Variants in FRMPD4 observed in about 807,000 individuals in gnomAD.
FRMPD4 encodes FERM and PDZ domain-containing protein 4.
In FRMPD4, 22 loss-of-function variants were observed where a neutral mutation model predicts 94.1. The ratio of observed to expected loss-of-function variants is 0.23; its 90% confidence interval spans 0.17 to 0.33. The LOEUF (loss-of-function observed/expected upper bound fraction) is 0.33. FRMPD4 is among the 10% of genes least tolerant of loss of function. The probability of loss-of-function intolerance (pLI) is 1.00; values close to 1 mark genes in which losing one functional copy is unlikely to be tolerated. For synonymous variants in FRMPD4, 631 were observed against 548.6 expected (o/e 1.15, Z -2.10); for missense variants, 1,111 against 1,339.9 (o/e 0.83, Z 2.67).
At chrX:12,066,411 G>T (rs2054920436) in intron 3 of FRMPD4, among the ~76,000 whole-genome samples, 1 of 111,882 alleles carries the variant, frequency 8.9e-6, no homozygotes, top group African/African-American at 3.2e-5. Context: ...AACTTCCCAA[G>T]AATATGCCTT....
At chrX:12,092,625 C>G (rs2055163308) in intron 3 of FRMPD4, among the ~76,000 whole-genome samples, 1 of 111,509 alleles carries the variant, frequency 9.0e-6, no homozygotes, top group Non-Finnish European at 1.9e-5. Context: ...AAAGGCCCAT[C>G]AGGAAAAGCA....
chrX:11,973,274 G>T (rs951923283), intron 3 of FRMPD4, among the ~76,000 whole-genome samples: 1 of 112,263 alleles, frequency 8.9e-6, no homozygotes, highest in Admixed American at 9.4e-5. Flanking sequence ...ACTTGATTTT[G>T]CTCAAACGTG....
At chrX:12,381,068 C>T (rs1426434917) in intron 1 of FRMPD4, among the ~76,000 whole-genome samples, 1 of 111,899 alleles carries the variant, frequency 8.9e-6, no homozygotes, top group Non-Finnish European at 1.9e-5. Context: ...TCTATATAAA[C>T]TTTAAGGACT....
chrX:12,012,046 G>A (rs1444601753), intron 3 of FRMPD4, among the ~76,000 whole-genome samples: 4 of 109,708 alleles, frequency 3.6e-5, no homozygotes, highest in Non-Finnish European at 5.7e-5. Flanking sequence ...GACTACAGGC[G>A]CACACCACCA....
chrX:12,695,900 C>T (rs1169368531), intron 9 of FRMPD4, among the ~76,000 whole-genome samples: 2 of 111,176 alleles, frequency 1.8e-5, no homozygotes, highest in Non-Finnish European at 3.8e-5. Context: ...CTACTCCAGG[C>T]TAATTTTGTA....
At chrX:12,177,734 G>A (rs947677211) in intron 1 of FRMPD4, among the ~76,000 whole-genome samples, 3 of 112,043 alleles carry the variant, frequency 2.7e-5, no homozygotes, top group African/African-American at 6.5e-5. Flanking sequence ...CTGACAATGG[G>A]CCAGTCACTG....
chrX:11,858,165 A>G (rs1191418567), intron 1 of FRMPD4, among the ~76,000 whole-genome samples: 1 of 111,838 alleles, frequency 8.9e-6, no homozygotes, highest in Admixed American at 9.5e-5. Context: ...AGACCTAAAG[A>G]CAGAAATACC....
intron 1 of FRMPD4, among the ~76,000 whole-genome samples, chrX:11,824,481 G>A (rs751599251): frequency 2.7e-5 from 3 of 111,342 alleles, no homozygotes; most frequent in South Asian, 3.8e-4. Flanking sequence ...GGGATGTTGA[G>A]AAGCATCCCT....
intron 3 of FRMPD4, among the ~76,000 whole-genome samples, chrX:11,931,817 G>A (rs771156472): frequency 1.5e-4 from 17 of 112,069 alleles, no homozygotes; most frequent in Non-Finnish European, 2.4e-4. Context: ...AAATGGAGGA[G>A]GCACACTGCA....
At chrX:12,081,512 A>G (rs1427646729) in intron 3 of FRMPD4, among the ~76,000 whole-genome samples, 1 of 111,363 alleles carries the variant, frequency 9.0e-6, no homozygotes, top group East Asian at 2.8e-4. Context: ...TATGTACTTA[A>G]CAGAGAGAAA....
At chrX:12,391,477 G>A (rs763065900) in intron 1 of FRMPD4, among the ~76,000 whole-genome samples, 1 of 111,914 alleles carries the variant, frequency 8.9e-6, no homozygotes, top group South Asian at 3.8e-4. Flanking sequence ...CCCTCGCTGG[G>A]ACATTAGTCT....
chrX:12,552,355 A>G (rs751504016), intron 2 of FRMPD4, among the ~76,000 whole-genome samples: 92 of 111,813 alleles, frequency 8.2e-4, no homozygotes, highest in African/African-American at 2.8e-3. Context: ...AGATTTTTAT[A>G]TAACCTCATT....
At chrX:12,601,595 T>A (rs1469108943) in intron 2 of FRMPD4, among the ~76,000 whole-genome samples, 1 of 112,171 alleles carries the variant, frequency 8.9e-6, no homozygotes, top group Non-Finnish European at 1.9e-5. Context: ...GTAGCACATA[T>A]AAATCTTATT....
intron 3 of FRMPD4, among the ~76,000 whole-genome samples, chrX:12,115,869 C>T (rs2055404557): frequency 9.0e-6 from 1 of 111,653 alleles, no homozygotes. Flanking sequence ...TGGTTTGAAT[C>T]CTCACTCTTC....
At chrX:12,114,671 A>G (rs2055392736) in intron 3 of FRMPD4, among the ~76,000 whole-genome samples, 1 of 112,464 alleles carries the variant, frequency 8.9e-6, no homozygotes, top group East Asian at 2.8e-4. Flanking sequence ...ATCTATGGCA[A>G]TTTAACCTAA....
chrX:12,504,927 G>C (rs2057963929), intron 2 of FRMPD4, among the ~76,000 whole-genome samples: 1 of 112,415 alleles, frequency 8.9e-6, no homozygotes, highest in Admixed American at 9.4e-5. Context: ...TGGAGGGATT[G>C]TAATTATCTA....
chrX:12,186,199 G>T (rs1252640038), intron 1 of FRMPD4, among the ~76,000 whole-genome samples: 2 of 111,186 alleles, frequency 1.8e-5, no homozygotes, highest in Non-Finnish European at 3.8e-5. Flanking sequence ...TGTGTCAGAT[G>T]CCTCCCTGCT....
At chrX:11,885,835 T>A (rs925022338) in intron 3 of FRMPD4, among the ~76,000 whole-genome samples, 9 of 111,787 alleles carry the variant, frequency 8.1e-5, no homozygotes, top group Admixed American at 5.7e-4. Flanking sequence ...AAGAGGCATG[T>A]TATCCCCTTG....
At chrX:12,305,563 T>A (rs1353768162) in intron 1 of FRMPD4, among the ~76,000 whole-genome samples, 1 of 543 alleles carries the variant, frequency 1.8e-3, no homozygotes, top group Non-Finnish European at 0.023. Context: ...CCATAATCCT[T>A]TTTTTTTTTT....
Sources: allele counts gnomAD v4.1 joint callset (sites outside exome capture counted in the v4.1 genomes callset), GRCh38; gene constraint gnomAD v4.1.1; transcripts MANE v1.5; gene names NCBI Gene and HGNC (gene_info 2026-07-23, HGNC 2026-07-21).